The following TLN2 variants were observed in gnomAD, a reference collection of about 807,000 sequenced individuals.
TLN2 encodes talin-2.
A neutral mutation model predicts 294.7 loss-of-function variants in TLN2; 118 were observed. That is an observed-to-expected ratio of 0.40 (90% confidence interval 0.34 to 0.47). The LOEUF is 0.47. Ranked by LOEUF, TLN2 falls within the 20% of genes least tolerant of loss-of-function variation. The pLI, the probability that TLN2 is intolerant of heterozygous loss-of-function variation, is 0.84. For synonymous variants in TLN2, 1,431 were observed against 1,304.5 expected (o/e 1.10, Z -2.09); for missense variants, 3,083 against 3,282.2 (o/e 0.94, Z 1.48).
intron 1 of TLN2, among the ~76,000 whole-genome samples, chr15:62,394,340 G>A (rs947980921): frequency 3.3e-5 from 5 of 152,106 alleles, no homozygotes; most frequent in Non-Finnish European, 5.9e-5. Flanking sequence ...TTGAGTGGTC[G>A]TTGGCCAGTA....
At chr15:62,665,729 C>T (rs1428325063) in intron 9 of TLN2, among the ~76,000 whole-genome samples, 1 of 152,158 alleles carries the variant, frequency 6.6e-6, no homozygotes, top group Non-Finnish European at 1.5e-5. Context: ...TGTCAACAAG[C>T]AAAGCTTTTG....
In TLN2 at chr15:62,708,758, G is replaced by T; in HGVS notation, c.2429G>T (p.Cys810Phe). The change falls in exon 21 of 59, where the codon TGT (cysteine) becomes TTT (phenylalanine). Residue 810 changes from cysteine (C) to phenylalanine (F), a missense_variant. Transcript: ENST00000636159. ...RYDQATDTIM[C>F]VTESIFSSMG... is the part of the protein sequence containing the mutation. Reference sequence around the variant, plus strand: ...GACCAGGCTACTGACACCATCATGTGTGTCACCGAGAGCATCTTCAGCTCC... The same window carrying T: ...GACCAGGCTACTGACACCATCATGTTTGTCACCGAGAGCATCTTCAGCTCC... The T allele has an allele frequency of 1.2e-6, 2 of 1,607,492 alleles. No homozygotes were observed. Among genetic ancestry groups the T allele is most frequent in the Non-Finnish European group, 1.7e-6 (2 of 1,179,946 alleles).
intron 26 of TLN2, among the ~76,000 whole-genome samples, chr15:62,723,325 G>A (rs887055668): frequency 2.0e-5 from 3 of 152,252 alleles, no homozygotes; most frequent in East Asian, 1.9e-4. Flanking sequence ...ATCACCTGGG[G>A]ATGCTTATTA....
At chr15:62,783,739 G>A in intron 44 of TLN2, 32 bp from the exon 45 acceptor site, 1 of 1,560,508 alleles carries the variant, frequency 6.4e-7, no homozygotes, top group Non-Finnish European at 8.7e-7. Context: ...GTGTGTGTGT[G>A]TGTGTGTGTC....
At position 62,701,910 on chromosome 15, in the gene TLN2, A is replaced by G; in HGVS notation, c.1697-82A>G. The G allele has an allele frequency of 2.0e-6, 3 of 1,478,338 alleles. No individual in the cohort carries two copies. In the South Asian group the frequency reaches 3.7e-5, roughly 18 times the overall value. The allele number at this position is 1,478,338 out of a possible 1,614,324, so 91.6% of individuals were successfully genotyped here. ...ACTCCTGCAGGATGGTAGGTGAGGA[A>G]CTCCTGCCAGTGTGGGGTTTTGAAA... On this transcript the variant is annotated intron_variant, in intron 17 of 58. Transcript: ENST00000636159.
At chr15:62,725,627 C>T (rs2140929214) in intron 27 of TLN2, among the ~76,000 whole-genome samples, 1 of 152,270 alleles carries the variant, frequency 6.6e-6, no homozygotes, top group African/African-American at 2.4e-5. Flanking sequence ...CATGACTGAA[C>T]ATTGCTAGTA....
At chr15:62,783,998 C>A in intron 45 of TLN2, 108 bp downstream of exon 45, 1 of 1,553,356 alleles carries the variant, frequency 6.4e-7, no homozygotes, top group Non-Finnish European at 8.7e-7. Flanking sequence ...AGCCCAGTAA[C>A]CAGAGCCCAG....
intron 1 of TLN2, among the ~76,000 whole-genome samples, chr15:62,498,374 G>T (rs968665888): frequency 6.6e-6 from 1 of 152,058 alleles, no homozygotes; most frequent in African/African-American, 2.4e-5. Flanking sequence ...AGTAGTCACT[G>T]GTCAGTTCCC....
intron 1 of TLN2, among the ~76,000 whole-genome samples, chr15:62,453,983 G>A (rs920574432): frequency 6.6e-6 from 1 of 152,088 alleles, no homozygotes; most frequent in Non-Finnish European, 1.5e-5. Context: ...CCACCCCCAG[G>A]TGCCAGTGGC....
At chr15:62,522,558 G>C (rs2040515202) in intron 1 of TLN2, among the ~76,000 whole-genome samples, 1 of 152,170 alleles carries the variant, frequency 6.6e-6, no homozygotes, top group Non-Finnish European at 1.5e-5. Flanking sequence ...TGAATTTGTA[G>C]CTGAAAATCT....
In TLN2 at chr15:62,731,470, T is replaced by C. The variant is rs144579138; in HGVS notation, c.3358+4281T>C. Reference sequence around the variant, plus strand: ...GGCAGGTGGATAAGATAAGGACAGATCACAATAAAAATGCAGGAACTGAGC... The same window carrying C: ...GGCAGGTGGATAAGATAAGGACAGACCACAATAAAAATGCAGGAACTGAGC... On this transcript the variant is annotated intron_variant, in intron 28 of 58. Coordinates refer to ENST00000636159, the MANE Select transcript of TLN2 (RefSeq NM_015059.3). Among the ~76,000 whole-genome samples the C allele has an allele frequency of 2.6e-3, 396 of 152,294 alleles. 1 individual carries two copies. Among genetic ancestry groups the C allele is most frequent in the African/African-American group, 9.4e-3 (391 of 41,554 alleles).
rs180979380 is a variant in TLN2, at chr15:62,443,925, T to C, written c.-238+53240T>C. Among the ~76,000 whole-genome samples the C allele has an allele frequency of 2.4e-3, 361 of 152,262 alleles. 5 individuals carry two copies. Among genetic ancestry groups the C allele is most frequent in the African/African-American group, 7.5e-3 (312 of 41,558 alleles). ...GAGGTGGGAGGATCCCTTGAGCCCATGGCAGTGAGCCATGATTGTGCCACT... is the reference window on the plus strand; with the variant it reads ...GAGGTGGGAGGATCCCTTGAGCCCACGGCAGTGAGCCATGATTGTGCCACT... On this transcript the variant is annotated intron_variant, in intron 1 of 58. Transcript: ENST00000636159.
At chr15:62,450,505 C>G (rs1260708190) in intron 1 of TLN2, among the ~76,000 whole-genome samples, 2 of 150,720 alleles carry the variant, frequency 1.3e-5, no homozygotes, top group Non-Finnish European at 3.0e-5. Context: ...TTAAGTGGCC[C>G]CCATCGTGTA....
chr15:62,624,743 G>A (rs994432591), intron 3 of TLN2, among the ~76,000 whole-genome samples: 1 of 152,144 alleles, frequency 6.6e-6, no homozygotes, highest in Non-Finnish European at 1.5e-5. Flanking sequence ...ATGTGTGTAC[G>A]CACACAATTA....
At position 62,725,094 on chromosome 15, in the gene TLN2, C is replaced by G; in HGVS notation, c.3245C>G (p.Pro1082Arg). Residue 1082 changes from proline (P) to arginine (R), a missense_variant, in exon 27 of 59, where the codon CCA becomes CGA. Coordinates refer to ENST00000636159, the MANE Select transcript of TLN2 (RefSeq NM_015059.3). ...AAVESQLKPLPGETLEKCAQD... is the reference protein window; with the variant it reads ...AAVESQLKPLRGETLEKCAQD... ...GTGGAGAGCCAGCTGAAGCCACTTC[C>G]AGGGGAAACGGTGAGCTGTTAGAGC... 6.2e-7 allele frequency: 1 copy of G among 1,611,818 alleles called. No homozygotes were observed. Among genetic ancestry groups the G allele is most frequent in the Non-Finnish European group, 8.5e-7 (1 of 1,178,970 alleles).
intron 7 of TLN2, 68 bp from the exon 8 acceptor site, chr15:62,655,876 T>C (rs1489276322): frequency 3.2e-6 from 5 of 1,575,644 alleles, no homozygotes; most frequent in Non-Finnish European, 4.3e-6. Flanking sequence ...CACTGCTCTT[T>C]TGGTAAATTC....
chr15:62,821,185 G>T (rs1444756763), intron 54 of TLN2, among the ~76,000 whole-genome samples: 1 of 152,230 alleles, frequency 6.6e-6, no homozygotes, highest in East Asian at 1.9e-4. Flanking sequence ...TTTAGATTAG[G>T]CAGGAGGAAG....
At chr15:62,508,266 G>T (rs574876464) in intron 1 of TLN2, among the ~76,000 whole-genome samples, 284 of 152,048 alleles carry the variant, frequency 1.9e-3, no homozygotes, top group Middle Eastern at 0.01. Flanking sequence ...ACCCAGGCTG[G>T]AGTGCAGTGG....
intron 21 of TLN2, among the ~76,000 whole-genome samples, chr15:62,709,008 TA>T (rs1255852353): frequency 6.6e-6 from 1 of 152,258 alleles, no homozygotes; most frequent in African/African-American, 2.4e-5. Flanking sequence ...GGGTTTTTGT[TA>T]TAATGGTTAG....
Sources: allele counts gnomAD v4.1 joint callset (sites outside exome capture counted in the v4.1 genomes callset), GRCh38; gene constraint gnomAD v4.1.1; transcripts MANE v1.5; gene names NCBI Gene and HGNC (gene_info 2026-07-23, HGNC 2026-07-21).